Variants in TACR1 observed in about 807,000 individuals in gnomAD.
The protein encoded by TACR1 is substance-P receptor.
TACR1 carries 25 observed loss-of-function variants against 35.8 expected under a neutral mutation model. The observed-to-expected ratio is 0.70, with a 90% CI of 0.51 to 0.98. The LOEUF is 0.98. TACR1 is among the 50% of genes least tolerant of loss of function. The pLI is 0.00. For synonymous variants in TACR1, 195 were observed against 206.7 expected (o/e 0.94, Z 0.48); for missense variants, 478 against 522.9 (o/e 0.91, Z 0.84).
chr2:75,164,346 A>G (rs1239406942), intron 1 of TACR1, among the ~76,000 whole-genome samples: 4 of 151,900 alleles, frequency 2.6e-5, no homozygotes, highest in Middle Eastern at 3.2e-3. Context: ...AAAAAGAAAA[A>G]GCAGGAATGA....
chr2:75,100,843 T>A (rs1013489353), intron 2 of TACR1, among the ~76,000 whole-genome samples: 9 of 152,220 alleles, frequency 5.9e-5, no homozygotes, highest in Non-Finnish European at 1.3e-4. Flanking sequence ...TTCAGAAGAA[T>A]GCAACCTTCA....
rs527774605 is a variant in TACR1, at chr2:75,121,815, T to C, written c.390-1047A>G. Among the ~76,000 whole-genome samples, 12 of 152,328 alleles carry C rather than the reference T, an allele frequency of 7.9e-5. No homozygotes were observed. The South Asian group carries it at 2.3e-3, about 29-fold the overall frequency. ...TCTGACAAAACCTCAGAATCACACA[T>C]TGATTCTCTGACAGTCAGGTGTCTC... On this transcript the variant is annotated intron_variant, in intron 1 of 4. Transcript: ENST00000305249.
At chr2:75,153,760 A>T (rs1267985681) in intron 1 of TACR1, among the ~76,000 whole-genome samples, 2 of 152,216 alleles carry the variant, frequency 1.3e-5, no homozygotes, top group African/African-American at 4.8e-5. Context: ...CAGGTGGACC[A>T]ACCAGGGATG....
chr2:75,075,071 A>G (rs1672953821), intron 2 of TACR1, among the ~76,000 whole-genome samples: 1 of 152,202 alleles, frequency 6.6e-6, no homozygotes, highest in Non-Finnish European at 1.5e-5. Flanking sequence ...GAGTCCAGGA[A>G]TTGTCCCATG....
chr2:75,110,368 A>G (rs1435313049), intron 2 of TACR1, among the ~76,000 whole-genome samples: 2 of 151,976 alleles, frequency 1.3e-5, no homozygotes, highest in African/African-American at 4.8e-5. Flanking sequence ...TTAAAAATGC[A>G]GTCAAGGCAA....
At chr2:75,103,796 GGA>G (rs1673587692) in intron 2 of TACR1, among the ~76,000 whole-genome samples, 1 of 152,106 alleles carries the variant, frequency 6.6e-6, no homozygotes, top group African/African-American at 2.4e-5. Context: ...CAAAGATGGT[GGA>G]GTAGGGGATA....
intron 2 of TACR1, among the ~76,000 whole-genome samples, chr2:75,094,859 A>ATATATATATATATATATATTTTTTTTTT: frequency 1.8e-5 from 2 of 113,132 alleles, no homozygotes; most frequent in African/African-American, 9.6e-5. Flanking sequence ...ATATATATAT[A>ATATATATATATATATATATTTTTTTTTT]TTTTTTTTTT....
At chr2:75,192,386 T>C (rs1675867282) in intron 1 of TACR1, among the ~76,000 whole-genome samples, 1 of 152,216 alleles carries the variant, frequency 6.6e-6, no homozygotes, top group South Asian at 2.1e-4. Flanking sequence ...GAGGCAAATT[T>C]CATTTCAAGA....
chr2:75,154,318 A>T (rs371351660), intron 1 of TACR1: 1 of 152,276 alleles, frequency 6.6e-6, no homozygotes, highest in Middle Eastern at 3.4e-3. Context: ...TGAGCATGTC[A>T]CAAGGAAGGA....
chr2:75,091,875 G>A (rs1418883791), intron 2 of TACR1, among the ~76,000 whole-genome samples: 1 of 152,206 alleles, frequency 6.6e-6, no homozygotes, highest in Non-Finnish European at 1.5e-5. Flanking sequence ...TGGGGAAGAA[G>A]CAGTTCTTCC....
intron 2 of TACR1, among the ~76,000 whole-genome samples, chr2:75,086,995 T>G (rs538660834): frequency 5.3e-5 from 8 of 152,300 alleles, no homozygotes; most frequent in Non-Finnish European, 4.4e-5. Flanking sequence ...ATGTGGCCAA[T>G]GAGCCTTGAA....
chr2:75,132,960 G>T (rs1285328670), intron 1 of TACR1, among the ~76,000 whole-genome samples: 2 of 152,190 alleles, frequency 1.3e-5, no homozygotes, highest in African/African-American at 4.8e-5. Context: ...CTGTTGGCAG[G>T]CTAGGCATTC....
At chr2:75,108,784 C>G (rs187511437) in intron 2 of TACR1, among the ~76,000 whole-genome samples, 4 of 152,116 alleles carry the variant, frequency 2.6e-5, no homozygotes, top group Admixed American at 2.6e-4. Flanking sequence ...AAGATAAGCT[C>G]ACAAAACTAA....
Position 75,047,234 on chromosome 2 carries a change from G to C in TACR1, c.*2198C>G, listed in dbSNP as rs1254498074. ...TACCCCAGAGAACTCTCATTCCAGA[G>C]GCTCTCCAAAGGTCCCAGTCTTTGG... On this transcript the variant is annotated 3_prime_UTR_variant, in exon 5 of 5. Transcript: ENST00000305249. 2.0e-5 allele frequency: 3 copies of C among 152,230 alleles called. No individual in the cohort carries two copies. Among genetic ancestry groups the C allele is most frequent in the Admixed American group, 1.3e-4 (2 of 15,288 alleles). 9.4% of individuals were successfully genotyped at this position (152,230 alleles called of 1,614,324 possible).
intron 2 of TACR1, among the ~76,000 whole-genome samples, chr2:75,095,691 C>A (rs1419564701): frequency 6.6e-6 from 1 of 152,106 alleles, no homozygotes; most frequent in Non-Finnish European, 1.5e-5. Flanking sequence ...CGCCTAATAT[C>A]CAGGAGCTCT....
At chr2:75,083,344 T>A (rs1403159938) in intron 2 of TACR1, among the ~76,000 whole-genome samples, 1 of 152,218 alleles carries the variant, frequency 6.6e-6, no homozygotes, top group Non-Finnish European at 1.5e-5. Context: ...TAGTATAGTT[T>A]GAAGTCAGGT....
chr2:75,129,701 A>G (rs536623615), intron 1 of TACR1, among the ~76,000 whole-genome samples: 1 of 152,340 alleles, frequency 6.6e-6, no homozygotes, highest in African/African-American at 2.4e-5. Context: ...CATCCATTCC[A>G]TTGGGCCTGG....
chr2:75,077,758 C>G (rs1272753991), intron 2 of TACR1, among the ~76,000 whole-genome samples: 2 of 152,142 alleles, frequency 1.3e-5, no homozygotes, highest in Admixed American at 6.5e-5. Context: ...TTAGGGGCAT[C>G]CTTGGGAGTA....
intron 2 of TACR1, among the ~76,000 whole-genome samples, chr2:75,053,960 A>T (rs13408586): frequency 0.023 from 3,556 of 152,238 alleles, 100 homozygotes; most frequent in African/African-American, 0.066. Context: ...ACTACAGAAA[A>T]CAATTTATGT....
Sources: gnomAD v4.1 joint callset for allele counts (sites outside exome capture counted in the v4.1 genomes callset) on GRCh38, gnomAD v4.1.1 for gene constraint, MANE v1.5 for transcripts, NCBI Gene and HGNC (gene_info 2026-07-23, HGNC 2026-07-21) for gene names.